Variants in UBA1 observed in about 807,000 individuals in gnomAD.
The protein encoded by UBA1 is ubiquitin-like modifier-activating enzyme 1.
Under a neutral mutation model 84.7 loss-of-function variants are expected in UBA1, and 4 were observed. The observed-to-expected ratio is 0.05, with a 90% CI of 0.02 to 0.11. The LOEUF is 0.11. Among genes scored for constraint, UBA1 ranks in the 10% least tolerant of loss-of-function variants. The pLI is 1.00. For synonymous variants in UBA1, 364 were observed against 362.6 expected, an observed-to-expected ratio of 1.00 and a Z score of -0.04; for missense variants, 513 against 902.8, an observed-to-expected ratio of 0.57 and a Z score of 5.53.
chrX:47,199,168 G>A (rs1556786608), intron 3 of UBA1, 41 bp from the exon 4 acceptor site: 5 of 1,212,310 alleles, frequency 4.1e-6, no homozygotes, highest in Middle Eastern at 2.3e-4. Flanking sequence ...ATAAGGTTGG[G>A]TGGGGCAGGC....
At chrX:47,195,009 A>G (rs782286399) in intron 1 of UBA1, among the ~76,000 whole-genome samples, 1 of 111,124 alleles carries the variant, frequency 9.0e-6, no homozygotes, top group African/African-American at 3.3e-5. Flanking sequence ...CTTCCATCAG[A>G]GACTCGCCTC....
At chrX:47,196,806 G>A (rs1167057015) in intron 1 of UBA1, among the ~76,000 whole-genome samples, 1 of 111,710 alleles carries the variant, frequency 9.0e-6, no homozygotes, top group African/African-American at 3.3e-5. Context: ...GTGAGGAAAT[G>A]GCATGTCCCA....
Position 47,202,645 on chromosome X carries a change from C to T in UBA1, c.1064C>T (p.Ala355Val), listed in dbSNP as rs782222005. The T allele has an allele frequency of 3.3e-6, 4 of 1,211,050 alleles. No homozygotes were observed. Among genetic ancestry groups the T allele is most frequent in the African/African-American group, 3.5e-5 (2 of 57,537 alleles). The change falls in exon 11 of 26, where the codon GCA becomes GTA. Residue 355 changes from alanine (A) to valine (V), a missense_variant. Coordinates refer to ENST00000335972, the MANE Select transcript of UBA1 (RefSeq NM_003334.4). ...TTCTTTCTGGCCCACCAGGAGGATG[C>T]AGCAGAACTGGTAGCCTTAGCACAG... Reference protein sequence around the residue: ...RPPRPRNEEDAAELVALAQAV... With the variant: ...RPPRPRNEEDVAELVALAQAV...
rs1936749019 is a variant in UBA1, at chrX:47,208,160, T to C, written c.1939-1463T>C. Among the ~76,000 whole-genome samples the C allele has an allele frequency of 4.4e-5, 5 of 112,819 alleles. No individual in the cohort carries two copies. The South Asian group carries it at 1.8e-3, about 41-fold the overall frequency. On this transcript the variant is annotated intron_variant, in intron 16 of 25. Coordinates refer to ENST00000335972, the MANE Select transcript of UBA1 (RefSeq NM_003334.4). ...GAATTCTCAGAGGCCAGAAGTTCTG[T>C]CTTGTTTGCTATTTTATTTTTTGAG... is the stretch of plus-strand genomic sequence containing the variant.
At chrX:47,196,793 G>T (rs1556785629) in intron 1 of UBA1, among the ~76,000 whole-genome samples, 1 of 111,698 alleles carries the variant, frequency 9.0e-6, no homozygotes, top group African/African-American at 3.3e-5. Flanking sequence ...TCTAATTTAT[G>T]GAGTGAGGAA....
chrX:47,212,345 C>G (rs1556793723), intron 20 of UBA1, 79 bp from the exon 21 acceptor site: 1 of 730,501 alleles, frequency 1.4e-6, no homozygotes, highest in Non-Finnish European at 2.1e-6. Context: ...ATACCTTTTG[C>G]CCCACCCTGG....
In UBA1 at chrX:47,203,720, C is replaced by G. The variant is rs183053605; in HGVS notation, c.1575+24C>G. ...CGGTGAGTAGGGTAGGAGGTTGGGG[C>G]TTTGTCGTCTCACTTTCCTCCTTTT... is the stretch of plus-strand genomic sequence containing the variant. On this transcript the variant is annotated intron_variant, in intron 14 of 25. Coordinates refer to ENST00000335972, the MANE Select transcript of UBA1 (RefSeq NM_003334.4). 5,665 of 1,159,876 alleles carry G rather than the reference C, an allele frequency of 4.9e-3. 12 individuals carry two copies. The highest frequency in any genetic ancestry group is 0.014 in the South Asian group (739 of 52,773).
chrX:47,212,201 A>G (rs1936953885), intron 20 of UBA1, among the ~76,000 whole-genome samples: 1 of 110,301 alleles, frequency 9.1e-6, no homozygotes, highest in Admixed American at 9.6e-5. Flanking sequence ...TAGTGTCTCT[A>G]GAGAGATCAT....
rs782308963 is a variant in UBA1, at chrX:47,202,829, G to A, written c.1233+15G>A. 4.1e-5 allele frequency: 49 copies of A among 1,204,137 alleles called. 1 individual carries two copies. The East Asian group carries it at 1.2e-3, about 29-fold the overall frequency. On this transcript the variant is annotated intron_variant, in intron 11 of 25. Transcript: ENST00000335972. The stretch of plus-strand genomic sequence containing the variant: ...AAGTCATGAAGGTCAGCACGGGTGG[G>A]GAGAGGCAGGATTGGGGTGGGCCAG...
At chrX:47,200,574 T>C (rs1936366135) in intron 5 of UBA1, among the ~76,000 whole-genome samples, 2 of 111,701 alleles carry the variant, frequency 1.8e-5, no homozygotes, top group Admixed American at 9.4e-5. Flanking sequence ...GCTCAGACTT[T>C]GGCTGGAGAC....
In UBA1 at chrX:47,199,387, C is replaced by T. The variant is rs782363491; in HGVS notation, c.345+10C>T. 8.3e-7 allele frequency: 1 copy of T among 1,212,109 alleles called. No individual in the cohort carries two copies. The highest frequency in any genetic ancestry group is 2.2e-5 in the Admixed American group (1 of 46,090). On this transcript the variant is annotated intron_variant, in intron 4 of 25. Transcript: ENST00000335972. Reference sequence around the variant, plus strand: ...TGATCTTTCCTCCCAGGTACCTCTTCCTAGCACCCTTCCCCCTTTCCCCCT... The same window carrying T: ...TGATCTTTCCTCCCAGGTACCTCTTTCTAGCACCCTTCCCCCTTTCCCCCT...
rs370961627 is a variant in UBA1, at chrX:47,206,291, G to A, written c.1785G>A (p.Leu595=). ...GCTGTGTCTACTACCGGAAGCCACTGCTGGAGTCAGGCACACTGGGCACCA... is the reference window on the plus strand; with the variant it reads ...GCTGTGTCTACTACCGGAAGCCACTACTGGAGTCAGGCACACTGGGCACCA... The part of the protein sequence containing the change: ...DRRCVYYRKP[L]LESGTLGTKG... Residue 595 remains leucine (L), a synonymous_variant, in exon 16 of 26, where the codon CTG becomes CTA. Transcript: ENST00000335972. 7.4e-6 allele frequency: 9 copies of A among 1,209,078 alleles called. No individual in the cohort carries two copies. In the Admixed American group the frequency reaches 2.0e-4, roughly 26 times the overall value.
intron 1 of UBA1, among the ~76,000 whole-genome samples, chrX:47,195,994 G>T (rs1346146792): frequency 1.8e-5 from 2 of 110,326 alleles, no homozygotes; most frequent in Admixed American, 1.9e-4. Context: ...TCTCCCCCCA[G>T]ACCCCAACAT....
chrX:47,198,931 C>T lies in UBA1; in HGVS notation c.117+12C>T. ...CGGTGCCAACCAACGTGAGTGTCCT[C>T]TCCGTGGAGACTGGCAGACGAGGTG... On this transcript the variant is annotated intron_variant, in intron 2 of 25. Coordinates refer to ENST00000335972, the MANE Select transcript of UBA1 (RefSeq NM_003334.4). 1.7e-6 allele frequency: 2 copies of T among 1,209,893 alleles called. No homozygotes were observed. Among genetic ancestry groups the T allele is most frequent in the Non-Finnish European group, 2.2e-6 (2 of 893,434 alleles).
chrX:47,195,697 C>G (rs1936182627), intron 1 of UBA1, among the ~76,000 whole-genome samples: 1 of 110,852 alleles, frequency 9.0e-6, no homozygotes, highest in Admixed American at 9.6e-5. Context: ...TTTTTAAGGC[C>G]TGCACTATCT....
rs1569216553 is a variant in UBA1 at position 47,211,213 on chromosome X, A to G, written c.2452A>G (p.Asn818Asp). The G allele has an allele frequency of 8.3e-7, 1 of 1,209,547 alleles. No individual in the cohort carries two copies. Among genetic ancestry groups the G allele is most frequent in the Non-Finnish European group, 1.1e-6 (1 of 895,511 alleles). The stretch of plus-strand genomic sequence containing the variant: ...TTCTGACCAGGAGCTGCAGAGCGCC[A>G]ATGCCTCTGTTGGTGAGGGTGTTTG... ...HVSDQELQSA[N>D]ASVDDSRLEE... The change falls in exon 20 of 26, where the codon AAT becomes GAT. Residue 818 changes from asparagine to aspartate, a missense_variant. Asn to Asp is a conservative substitution (Grantham distance 23). Around this residue, in one of 6 missense-constraint regions of UBA1, gnomAD observed 151 missense variants for 260.1 expected, o/e 0.58. Transcript: ENST00000335972.
At chrX:47,205,495 T>G (rs1449256014) in intron 14 of UBA1, 2 of 344,900 alleles carry the variant, frequency 5.8e-6, no homozygotes, top group African/African-American at 5.2e-5. Flanking sequence ...AGACCGTCTC[T>G]CCTGCTAGCC....
chrX:47,198,211 G>C, intron 1 of UBA1: 4 of 979,584 alleles, frequency 4.1e-6, no homozygotes, highest in Non-Finnish European at 5.3e-6. Context: ...GGATGTCCAA[G>C]CCTCACTTCC....
Position 47,214,864 on chromosome X carries a change from C to T in UBA1, c.3112C>T (p.Leu1038=). The T allele has an allele frequency of 8.3e-7, 1 of 1,212,056 alleles. No individual in the cohort carries two copies. The highest frequency in any genetic ancestry group is 1.1e-6 in the Non-Finnish European group (1 of 895,640). The change falls in exon 26 of 26, where the codon CTG becomes TTG. Residue 1038 remains leucine (L), a synonymous_variant. Coordinates refer to ENST00000335972, the MANE Select transcript of UBA1 (RefSeq NM_003334.4). The part of the protein sequence containing the change: ...GRHVRALVLE[L]CCNDESGEDV... ...CCACGTGCGGGCGCTGGTGCTTGAG[C>T]TGTGCTGTAACGACGAGAGCGGCGA...
Sources: gnomAD v4.1 joint callset for allele counts (sites outside exome capture counted in the v4.1 genomes callset) on GRCh38, gnomAD v4.1.1 for gene constraint, gnomAD v4.1.1 regional missense constraint, MANE v1.5 for transcripts, NCBI Gene and HGNC (gene_info 2026-07-23, HGNC 2026-07-21) for gene names.